The following PXDNL variants were observed in gnomAD, a reference collection of about 807,000 sequenced individuals.
The protein encoded by PXDNL is peroxidasin like.
Under a neutral mutation model 150.8 loss-of-function variants are expected in PXDNL, and 145 were observed. The ratio of observed to expected loss-of-function variants is 0.96; its 90% CI spans 0.84 to 1.10. The LOEUF is 1.10. PXDNL is among the 50% of genes least tolerant of loss of function. The pLI is 0.00. For missense variants in PXDNL, 2,087 were observed against 1,873.9 expected (o/e 1.11, Z -2.10); for synonymous variants, 757 against 725.7 (o/e 1.04, Z -0.69).
intron 1 of PXDNL, among the ~76,000 whole-genome samples, chr8:51,674,578 C>A (rs1815566687): frequency 6.6e-6 from 1 of 152,214 alleles, no homozygotes; most frequent in African/African-American, 2.4e-5. Flanking sequence ...TGGGTTATAT[C>A]ATGAGTTTAG....
chr8:51,398,569 G>C (rs1808158135), intron 17 of PXDNL, among the ~76,000 whole-genome samples: 1 of 152,152 alleles, frequency 6.6e-6, no homozygotes, highest in Non-Finnish European at 1.5e-5. Context: ...ACTCAACAGA[G>C]CTGAAAACCA....
intron 21 of PXDNL, among the ~76,000 whole-genome samples, chr8:51,331,384 G>A (rs1451633408): frequency 1.3e-5 from 2 of 152,190 alleles, no homozygotes; most frequent in Non-Finnish European, 2.9e-5. Flanking sequence ...GATCCATCAG[G>A]AGAGAGGCTG....
In PXDNL at chr8:51,726,248, G is replaced by C. The variant is rs190353595; in HGVS notation, c.165-71488C>G. Among the ~76,000 whole-genome samples, 234 of 152,246 alleles carry C rather than the reference G, an allele frequency of 1.5e-3. 4 individuals are homozygous for C. The highest frequency in any genetic ancestry group is 0.012 in the Admixed American group (178 of 15,288). On this transcript the variant is annotated intron_variant, in intron 1 of 22. Coordinates refer to ENST00000356297, the MANE Select transcript of PXDNL (RefSeq NM_144651.5). ...AGGAATGAGTCCCATTACCTCTGGC[G>C]CCCCAGGTAGAGCGAAGAGCTCTCA...
intron 1 of PXDNL, among the ~76,000 whole-genome samples, chr8:51,660,100 G>A (rs1815240930): frequency 6.6e-6 from 1 of 151,956 alleles, no homozygotes; most frequent in Admixed American, 6.6e-5. Context: ...ATGTTGGCCA[G>A]GCTGGTCTGG....
rs185104095 is a variant in PXDNL at position 51,383,090 on chromosome 8, T to C, written c.3558-8359A>G. Among the ~76,000 whole-genome samples, 6 of 152,298 alleles carry C rather than the reference T, an allele frequency of 3.9e-5. No individual in the cohort carries two copies. In the East Asian group the frequency reaches 1.2e-3, roughly 29 times the overall value. On this transcript the variant is annotated intron_variant, in intron 17 of 22. Transcript: ENST00000356297. Reference sequence around the variant, plus strand: ...CATGTAGAGCCTATGTTTGGAAAAATAAATCCTCTCCACTTTCCTTAGAGG... The same window carrying C: ...CATGTAGAGCCTATGTTTGGAAAAACAAATCCTCTCCACTTTCCTTAGAGG...
intron 4 of PXDNL, among the ~76,000 whole-genome samples, chr8:51,546,330 G>T (rs1191544463): frequency 2.6e-5 from 4 of 152,192 alleles, no homozygotes; most frequent in Non-Finnish European, 5.9e-5. Flanking sequence ...CACCCTGAAA[G>T]TGCCTGATCT....
chr8:51,712,091 G>A (rs1816514141), intron 1 of PXDNL, among the ~76,000 whole-genome samples: 2 of 152,218 alleles, frequency 1.3e-5, no homozygotes, highest in South Asian at 2.1e-4. Flanking sequence ...CCAGGAACTA[G>A]GAGAGAGACA....
intron 21 of PXDNL, among the ~76,000 whole-genome samples, chr8:51,323,221 T>C (rs1805381286): frequency 6.6e-6 from 1 of 152,218 alleles, no homozygotes; most frequent in Admixed American, 6.5e-5. Flanking sequence ...GTAAAGCTTT[T>C]TCAAATTTAA....
intron 12 of PXDNL, among the ~76,000 whole-genome samples, chr8:51,428,209 A>G (rs1809160223): frequency 6.6e-6 from 1 of 152,246 alleles, no homozygotes; most frequent in African/African-American, 2.4e-5. Context: ...ACTGAAGTAC[A>G]AAATCAAAGA....
intron 1 of PXDNL, among the ~76,000 whole-genome samples, chr8:51,770,923 A>T (rs148774248): frequency 1.3e-5 from 2 of 152,248 alleles, no homozygotes; most frequent in East Asian, 3.9e-4. Context: ...ACTGCACACC[A>T]CACCATCTTC....
chr8:51,666,562 C>T (rs767234092), intron 1 of PXDNL, among the ~76,000 whole-genome samples: 1 of 152,076 alleles, frequency 6.6e-6, no homozygotes, highest in Admixed American at 6.6e-5. Context: ...CCCATTTGAC[C>T]TCTCTAATAA....
At chr8:51,472,906 A>C (rs1449030131) in intron 7 of PXDNL, among the ~76,000 whole-genome samples, 1 of 152,188 alleles carries the variant, frequency 6.6e-6, no homozygotes, top group Non-Finnish European at 1.5e-5. Context: ...ATAAAGAACA[A>C]TGTACAAAAG....
At chr8:51,691,082 T>C (rs1440346028) in intron 1 of PXDNL, among the ~76,000 whole-genome samples, 1 of 152,220 alleles carries the variant, frequency 6.6e-6, no homozygotes, top group African/African-American at 2.4e-5. Flanking sequence ...CTTTGTCAGA[T>C]GAGCAGGTTG....
rs77207356 is a variant in PXDNL at position 51,394,199 on chromosome 8, C to T, written c.3557+13868G>A. Among the ~76,000 whole-genome samples, 1,401 of 152,278 alleles carry T rather than the reference C, an allele frequency of 9.2e-3. 26 individuals are homozygous for T. Among genetic ancestry groups the T allele is most frequent in the African/African-American group, 0.032 (1,316 of 41,550 alleles). ...CATGAATAATTATTTTAAAAAATAG[C>T]ACTTCATGTAATAAATTGTCTTACA... On this transcript the variant is annotated intron_variant, in intron 17 of 22. Transcript: ENST00000356297.
intron 8 of PXDNL, among the ~76,000 whole-genome samples, chr8:51,463,108 C>T (rs1586126929): frequency 6.6e-6 from 1 of 152,088 alleles, no homozygotes; most frequent in African/African-American, 2.4e-5. Flanking sequence ...ACTAGAACAG[C>T]CTTATAAGAG....
chr8:51,613,439 A>AT (rs1409128372), intron 2 of PXDNL, among the ~76,000 whole-genome samples: 1 of 118,566 alleles, frequency 8.4e-6, no homozygotes, highest in East Asian at 2.7e-4. Context: ...TCACCCAGAG[A>AT]TTTTAGGTAA....
intron 2 of PXDNL, among the ~76,000 whole-genome samples, chr8:51,648,935 T>G (rs943107946): frequency 6.6e-6 from 1 of 152,182 alleles, no homozygotes; most frequent in Non-Finnish European, 1.5e-5. Context: ...AATAAAAAAT[T>G]ACAAATGGGT....
In PXDNL at chr8:51,411,348, A is replaced by T; in HGVS notation, c.1964T>A (p.Ile655Asn). 6.3e-7 allele frequency: 1 copy of T among 1,588,850 alleles called. No homozygotes were observed. Among genetic ancestry groups the T allele is most frequent in the Non-Finnish European group, 8.5e-7 (1 of 1,170,324 alleles). ...CTCCCCTGCTCTTGCCATTTCCACA[A>T]TCAGTGGGTCACGCGGGTAATGAAA... ...AQFHYPRDPL[I>N]VEMARAGEIF... The change falls in exon 16 of 23, where the codon ATT (isoleucine) becomes AAT (asparagine). Residue 655 changes from isoleucine (I) to asparagine (N), a missense_variant. By Grantham distance (149) the Ile-to-Asn change is moderately radical (BLOSUM62 -3). Coordinates refer to ENST00000356297, the MANE Select transcript of PXDNL (RefSeq NM_144651.5).
chr8:51,479,161 T>C (rs886589829), intron 6 of PXDNL, among the ~76,000 whole-genome samples: 3 of 152,180 alleles, frequency 2.0e-5, no homozygotes, highest in African/African-American at 7.2e-5. Context: ...AAGCTGCTAC[T>C]AAGATTTAAC....
Sources: allele counts gnomAD v4.1 joint callset (sites outside exome capture counted in the v4.1 genomes callset), GRCh38; gene constraint gnomAD v4.1.1; transcripts MANE v1.5; gene names NCBI Gene and HGNC (gene_info 2026-07-23, HGNC 2026-07-21).